The following ROBO2 variants were observed in gnomAD, a reference collection of about 807,000 sequenced individuals.
ROBO2 encodes the protein roundabout guidance receptor 2.
Under a neutral mutation model 160.8 loss-of-function variants are expected in ROBO2, and 53 were observed. The observed-to-expected ratio is 0.33, with a 90% CI of 0.26 to 0.41. The LOEUF (loss-of-function observed/expected upper bound fraction) is 0.41, where lower values mean the gene tolerates loss of function less well. Ranked by LOEUF, ROBO2 falls within the 10% of genes least tolerant of loss-of-function variation. The pLI is 1.00. For missense variants in ROBO2, 1,577 were observed against 1,722.4 expected, an observed-to-expected ratio of 0.92 and a Z score of 1.49; for synonymous variants, 664 against 611.7, an observed-to-expected ratio of 1.09 and a Z score of -1.26.
At chr3:76,884,204 A>G (rs1444181147) in intron 2 of ROBO2, among the ~76,000 whole-genome samples, 1 of 152,256 alleles carries the variant, frequency 6.6e-6, no homozygotes, top group Non-Finnish European at 1.5e-5. Flanking sequence ...CAAATACAAA[A>G]TAAGTAGAAA....
intron 2 of ROBO2, among the ~76,000 whole-genome samples, chr3:76,501,448 T>C (rs1171508803): frequency 6.6e-6 from 1 of 152,186 alleles, no homozygotes; most frequent in Non-Finnish European, 1.5e-5. Context: ...AGTTTTCAAA[T>C]ACCATGCTAA....
At chr3:76,549,700 T>C (rs922566186) in intron 2 of ROBO2, among the ~76,000 whole-genome samples, 2 of 152,206 alleles carry the variant, frequency 1.3e-5, no homozygotes, top group Admixed American at 1.3e-4. Flanking sequence ...GGATTCAGTT[T>C]CTCCAGAAGC....
At chr3:76,661,172 A>G (rs1463026719) in intron 2 of ROBO2, among the ~76,000 whole-genome samples, 2 of 152,180 alleles carry the variant, frequency 1.3e-5, no homozygotes, top group Non-Finnish European at 2.9e-5. Flanking sequence ...AGTGACTAAG[A>G]TAAAAGTCTC....
chr3:76,168,132 A>C (rs1022489680), intron 2 of ROBO2, among the ~76,000 whole-genome samples: 1 of 152,214 alleles, frequency 6.6e-6, no homozygotes, highest in Non-Finnish European at 1.5e-5. Context: ...GGGAGAAAGA[A>C]ATGCAAGTTA....
intron 2 of ROBO2, among the ~76,000 whole-genome samples, chr3:75,999,828 A>G (rs1321761173): frequency 2.6e-5 from 4 of 152,212 alleles, no homozygotes; most frequent in Non-Finnish European, 5.9e-5. Context: ...CCACATAGAA[A>G]GTTTGGGACA....
chr3:76,571,501 A>G (rs894238114), intron 2 of ROBO2, among the ~76,000 whole-genome samples: 2 of 152,132 alleles, frequency 1.3e-5, no homozygotes, highest in Non-Finnish European at 2.9e-5. Context: ...AGTTAACTTC[A>G]TGAGATAGAA....
chr3:77,291,337 G>C (rs1375803900), intron 2 of ROBO2, among the ~76,000 whole-genome samples: 3 of 151,800 alleles, frequency 2.0e-5, no homozygotes, highest in Admixed American at 6.6e-5. Context: ...GATCACCCCA[G>C]ACGTAAAGTA....
At chr3:76,552,679 T>C (rs187746715) in intron 2 of ROBO2, among the ~76,000 whole-genome samples, 1 of 152,328 alleles carries the variant, frequency 6.6e-6, no homozygotes, top group Admixed American at 6.5e-5. Context: ...AAACACTCTA[T>C]TGTGAACCCA....
At chr3:77,532,173 A>C (rs2091780886) in intron 6 of ROBO2, among the ~76,000 whole-genome samples, 1 of 151,572 alleles carries the variant, frequency 6.6e-6, no homozygotes. Flanking sequence ...TCCATTGAAC[A>C]GGAGGAGAGG....
At chr3:77,274,495 G>T (rs2059699887) in intron 2 of ROBO2, among the ~76,000 whole-genome samples, 1 of 152,034 alleles carries the variant, frequency 6.6e-6, no homozygotes, top group Non-Finnish European at 1.5e-5. Flanking sequence ...AACTTTATTT[G>T]TCACTTTGAA....
chr3:77,489,520 G>A (rs2085805335), intron 4 of ROBO2, among the ~76,000 whole-genome samples: 1 of 152,094 alleles, frequency 6.6e-6, no homozygotes, highest in Non-Finnish European at 1.5e-5. Context: ...AAACAATGAG[G>A]CTTAGAACAA....
intron 2 of ROBO2, among the ~76,000 whole-genome samples, chr3:76,803,528 AAAG>A (rs1341087762): frequency 3.3e-5 from 5 of 151,702 alleles, no homozygotes; most frequent in Non-Finnish European, 5.9e-5. Context: ...AGGCGAGAAA[AAAG>A]AAAGGAAAGT....
chr3:77,078,200 A>G (rs577689060), intron 1 of ROBO2, among the ~76,000 whole-genome samples: 2 of 152,342 alleles, frequency 1.3e-5, no homozygotes, highest in African/African-American at 2.4e-5. Context: ...TCATTGAGAA[A>G]ATACTGCTTT....
chr3:76,070,337 G>A (rs2068406966), intron 2 of ROBO2, among the ~76,000 whole-genome samples: 2 of 152,144 alleles, frequency 1.3e-5, no homozygotes, highest in African/African-American at 2.4e-5. Flanking sequence ...AACTGGCCCC[G>A]CTGGGCGTGG....
intron 2 of ROBO2, among the ~76,000 whole-genome samples, chr3:76,223,833 G>A (rs1017904283): frequency 6.6e-6 from 1 of 152,146 alleles, no homozygotes; most frequent in African/African-American, 2.4e-5. Flanking sequence ...AGTGACATTA[G>A]GAGCAACCAA....
At chr3:77,588,339 C>T (rs537776653) in intron 16 of ROBO2, among the ~76,000 whole-genome samples, 111 of 151,968 alleles carry the variant, frequency 7.3e-4, no homozygotes, top group African/African-American at 2.5e-3. Flanking sequence ...GAATATGGAC[C>T]GTGCCTTAGC....
chr3:77,050,228 T>C (rs1039576175), intron 1 of ROBO2, among the ~76,000 whole-genome samples: 1 of 152,198 alleles, frequency 6.6e-6, no homozygotes, highest in South Asian at 2.1e-4. Flanking sequence ...ACAGTACAGT[T>C]ATTGAAAACC....
intron 2 of ROBO2, among the ~76,000 whole-genome samples, chr3:77,319,688 A>C (rs1264445382): frequency 6.6e-6 from 1 of 152,126 alleles, no homozygotes; most frequent in East Asian, 1.9e-4. Context: ...GCCTTTTTTC[A>C]TATGAAACTT....
intron 2 of ROBO2, among the ~76,000 whole-genome samples, chr3:76,397,917 C>T (rs528677103): frequency 5.3e-5 from 8 of 151,966 alleles, no homozygotes; most frequent in South Asian, 4.2e-4. Flanking sequence ...GTCAGTGTGG[C>T]GATTCCTCAG....
Sources: allele counts gnomAD v4.1 joint callset (sites outside exome capture counted in the v4.1 genomes callset), GRCh38; gene constraint gnomAD v4.1.1; transcripts MANE v1.5; gene names NCBI Gene and HGNC (gene_info 2026-07-23, HGNC 2026-07-21).